The following ULK4 variants were observed in gnomAD, a reference collection of about 807,000 sequenced individuals.
ULK4 encodes the protein unc-51 like kinase 4, also known as inactive serine/threonine-protein kinase ULK4.
A neutral mutation model predicts 160.6 loss-of-function variants in ULK4; 133 were observed. The ratio of observed to expected loss-of-function variants is 0.83; its 90% confidence interval spans 0.72 to 0.96. The LOEUF (loss-of-function observed/expected upper bound fraction) is 0.96, where lower values mean the gene tolerates loss of function less well. Among genes scored for constraint, ULK4 ranks in the 40% least tolerant of loss-of-function variants. ULK4 has a pLI of 0.00. For synonymous variants in ULK4, 534 were observed against 539.8 expected, an observed-to-expected ratio of 0.99 and a Z score of 0.15; for missense variants, 1,580 against 1,499.5, an observed-to-expected ratio of 1.05 and a Z score of -0.89.
chr3:41,547,569 G>A (rs548877986), intron 32 of ULK4, among the ~76,000 whole-genome samples: 1 of 152,274 alleles, frequency 6.6e-6, no homozygotes, highest in Non-Finnish European at 1.5e-5. Flanking sequence ...CTAGTAGAGT[G>A]AGCTGCCTGG....
intron 32 of ULK4, among the ~76,000 whole-genome samples, chr3:41,506,767 A>AAAAAAAAAAAAAAAAAAATATATATAT: frequency 7.0e-5 from 4 of 56,766 alleles, no homozygotes; most frequent in Non-Finnish European, 9.4e-5. Context: ...TGTGATTTAA[A>AAAAAAAAAAAAAAAAAAATATATATAT]ATATATATAT....
intron 35 of ULK4, among the ~76,000 whole-genome samples, chr3:41,318,222 A>C (rs2080182600): frequency 6.6e-6 from 1 of 152,148 alleles, no homozygotes; most frequent in African/African-American, 2.4e-5. Context: ...AATAGATGGC[A>C]TTTTCTCTAG....
chr3:41,782,473 G>C (rs1575700955), intron 21 of ULK4, among the ~76,000 whole-genome samples: 1 of 152,116 alleles, frequency 6.6e-6, no homozygotes, highest in South Asian at 2.1e-4. Context: ...AAAAGACGGA[G>C]ATGATTAAAA....
At chr3:41,549,736 A>G (rs2086995004) in intron 32 of ULK4, among the ~76,000 whole-genome samples, 1 of 152,100 alleles carries the variant, frequency 6.6e-6, no homozygotes, top group South Asian at 2.1e-4. Context: ...TCTCTAAGGC[A>G]CATTATAGTC....
At chr3:41,355,417 G>A (rs910578713) in intron 35 of ULK4, among the ~76,000 whole-genome samples, 4 of 152,098 alleles carry the variant, frequency 2.6e-5, no homozygotes, top group Admixed American at 6.6e-5. Flanking sequence ...TGTACCCATC[G>A]TGAAGACTCA....
chr3:41,925,093 T>C (rs889251902), intron 5 of ULK4, among the ~76,000 whole-genome samples: 2 of 152,074 alleles, frequency 1.3e-5, no homozygotes, highest in African/African-American at 4.8e-5. Flanking sequence ...CCCTAGAAAT[T>C]TGCTTTGGAG....
intron 35 of ULK4, among the ~76,000 whole-genome samples, chr3:41,351,640 C>T (rs1326903495): frequency 6.6e-6 from 1 of 152,190 alleles, no homozygotes; most frequent in African/African-American, 2.4e-5. Context: ...TCACTGGCTG[C>T]TTAAAGATGA....
intron 34 of ULK4, among the ~76,000 whole-genome samples, chr3:41,444,798 T>C (rs1051882564): frequency 3.3e-5 from 5 of 152,064 alleles, no homozygotes; most frequent in African/African-American, 1.2e-4. Flanking sequence ...GCCAGTATGG[T>C]GAAATCCCAT....
At chr3:41,287,112 T>C (rs1477199323) in intron 35 of ULK4, among the ~76,000 whole-genome samples, 2 of 152,188 alleles carry the variant, frequency 1.3e-5, no homozygotes, top group Admixed American at 6.5e-5. Flanking sequence ...GCAATAGCCC[T>C]AGGAGCTTAT....
chr3:41,858,669 G>GTTTTT (rs1553675928), intron 17 of ULK4, among the ~76,000 whole-genome samples: 2 of 126,984 alleles, frequency 1.6e-5, no homozygotes, highest in African/African-American at 7.0e-5. Context: ...ATTTTTGTGT[G>GTTTTT]ATTTTTTTTT....
chr3:41,493,594 C>G (rs36151029), intron 32 of ULK4, among the ~76,000 whole-genome samples: 11,655 of 82,824 alleles, frequency 0.14, 1,347 homozygotes, highest in African/African-American at 0.17. Flanking sequence ...AGAACTGAAG[C>G]AAATACAGAC....
intron 30 of ULK4, among the ~76,000 whole-genome samples, chr3:41,649,334 C>G (rs1162223632): frequency 6.6e-6 from 1 of 152,254 alleles, no homozygotes; most frequent in East Asian, 1.9e-4. Context: ...GAGGCAGGAA[C>G]AGGCAGGAGC....
intron 31 of ULK4, among the ~76,000 whole-genome samples, chr3:41,603,044 T>C (rs970133882): frequency 1.6e-4 from 24 of 152,026 alleles, no homozygotes; most frequent in African/African-American, 5.6e-4. Flanking sequence ...GTTTGTGGAA[T>C]AGATTAAGAA....
At chr3:41,565,952 G>T in intron 32 of ULK4, 73 bp downstream of exon 32, 2 of 1,134,088 alleles carry the variant, frequency 1.8e-6, no homozygotes, top group South Asian at 2.9e-5. Context: ...GGTACTTCTA[G>T]ACTCCACGCT....
intron 35 of ULK4, among the ~76,000 whole-genome samples, chr3:41,298,495 A>C (rs1416180656): frequency 6.6e-6 from 1 of 152,214 alleles, no homozygotes; most frequent in Non-Finnish European, 1.5e-5. Flanking sequence ...GAAACATTGA[A>C]ATCTTCCTAT....
intron 32 of ULK4, among the ~76,000 whole-genome samples, chr3:41,551,933 T>C (rs2087083248): frequency 6.6e-6 from 1 of 152,032 alleles, no homozygotes; most frequent in South Asian, 2.1e-4. Flanking sequence ...GTGGGATTTA[T>C]TCCAGGGACA....
chr3:41,946,218 G>A (rs76894984), intron 2 of ULK4, among the ~76,000 whole-genome samples: 4,381 of 152,136 alleles, frequency 0.029, 208 homozygotes, highest in African/African-American at 0.1. Flanking sequence ...AGTAATAAAG[G>A]AATAACTACA....
intron 22 of ULK4, among the ~76,000 whole-genome samples, chr3:41,730,010 T>C (rs573782855): frequency 2.6e-5 from 4 of 152,292 alleles, no homozygotes; most frequent in African/African-American, 7.2e-5. Context: ...CTGGAAGCTA[T>C]ACAAATACAT....
intron 17 of ULK4, chr3:41,854,728 A>T (rs1348881135): frequency 6.6e-6 from 1 of 152,046 alleles, no homozygotes; most frequent in Non-Finnish European, 1.5e-5. Context: ...GGTTCCTTGA[A>T]ACCCTTGCAA....
Sources: gnomAD v4.1 joint callset for allele counts (sites outside exome capture counted in the v4.1 genomes callset) on GRCh38, gnomAD v4.1.1 for gene constraint, MANE v1.5 for transcripts, NCBI Gene and HGNC (gene_info 2026-07-23, HGNC 2026-07-21) for gene names.